SERINC5: variants seen among roughly 807,000 people sequenced by gnomAD.
The protein encoded by SERINC5 is serine incorporator 5, also known as chromosome 5 open reading frame 12.
SERINC5 carries 41 observed loss-of-function variants against 63.1 expected under a neutral mutation model. The ratio of observed to expected loss-of-function variants is 0.65; its 90% confidence interval spans 0.51 to 0.84. The LOEUF (loss-of-function observed/expected upper bound fraction) is 0.84. SERINC5 is among the 40% of genes least tolerant of loss of function. The pLI, the probability that SERINC5 is intolerant of heterozygous loss-of-function variation, is 0.00. For missense variants in SERINC5, 523 were observed against 573.0 expected (o/e 0.91, Z 0.89); for synonymous variants, 222 against 215.2 (o/e 1.03, Z -0.28).
At chr5:80,229,157 A>G (rs1257212546) in intron 1 of SERINC5, among the ~76,000 whole-genome samples, 4 of 148,956 alleles carry the variant, frequency 2.7e-5, no homozygotes, top group African/African-American at 9.8e-5. Context: ...CCCAGTAGCT[A>G]GGATTACAGG....
At chr5:80,207,052 G>A (rs1750207176) in intron 1 of SERINC5, among the ~76,000 whole-genome samples, 1 of 152,040 alleles carries the variant, frequency 6.6e-6, no homozygotes, top group Non-Finnish European at 1.5e-5. Flanking sequence ...AGGCTGGAGT[G>A]CAGTGGCACG....
Position 80,132,072 on chromosome 5 carries a change from G to A in SERINC5, c.1238+14018C>T, listed in dbSNP as rs116666836. Among the ~76,000 whole-genome samples the A allele has an allele frequency of 8.5e-3, 1,291 of 152,248 alleles. 20 individuals are homozygous for A. Among genetic ancestry groups the A allele is most frequent in the African/African-American group, 0.03 (1,232 of 41,518 alleles). ...CAGCCCCTAGCTTTCAAGCCAGCCAGTTGAAGCCGCGGACACCAGATAACA... is the reference window on the plus strand; with the variant it reads ...CAGCCCCTAGCTTTCAAGCCAGCCAATTGAAGCCGCGGACACCAGATAACA... On this transcript the variant is annotated intron_variant, in intron 11 of 12. Transcript: ENST00000509193.
At chr5:80,167,087 T>G (rs2112375911) in intron 6 of SERINC5, 1 of 152,508 alleles carries the variant, frequency 6.6e-6, no homozygotes, top group African/African-American at 2.4e-5. Flanking sequence ...TCATTTATTT[T>G]TAACTTTTAT....
intron 11 of SERINC5, among the ~76,000 whole-genome samples, chr5:80,133,422 A>G (rs888267433): frequency 6.6e-6 from 1 of 152,180 alleles, no homozygotes; most frequent in Non-Finnish European, 1.5e-5. Context: ...AGCAATGTGG[A>G]AGATGGTACA....
intron 8 of SERINC5, chr5:80,156,983 T>G (rs949788043): frequency 5.9e-5 from 8 of 135,108 alleles, no homozygotes; most frequent in Non-Finnish European, 9.1e-5. Flanking sequence ...ATTTAAAGGG[T>G]TTTTTTTTTC....
chr5:80,197,794 G>A (rs766281410), intron 2 of SERINC5, among the ~76,000 whole-genome samples: 1 of 152,176 alleles, frequency 6.6e-6, no homozygotes, highest in Non-Finnish European at 1.5e-5. Context: ...TGGGTTGGGA[G>A]GCTTTACTTT....
intron 2 of SERINC5, among the ~76,000 whole-genome samples, chr5:80,194,599 T>C (rs1749390768): frequency 6.6e-6 from 1 of 152,150 alleles, no homozygotes; most frequent in Admixed American, 6.5e-5. Flanking sequence ...ATAACAGTCA[T>C]CCCTTGAGCT....
intron 5 of SERINC5, 136 bp downstream of exon 5, chr5:80,174,818 T>C: frequency 1.8e-6 from 1 of 557,498 alleles, no homozygotes; most frequent in Non-Finnish European, 3.2e-6. Context: ...AGGAGAGGAG[T>C]AAATGAAGAG....
At chr5:80,224,657 C>T (rs946958075) in intron 1 of SERINC5, among the ~76,000 whole-genome samples, 2 of 151,984 alleles carry the variant, frequency 1.3e-5, no homozygotes, top group African/African-American at 4.8e-5. Context: ...ACGGAATTTC[C>T]CTCTTGTTGC....
At position 80,253,470 on chromosome 5, in the gene SERINC5, T is replaced by G. The variant is rs571598443; in HGVS notation, c.27+2426A>C. Among the ~76,000 whole-genome samples the G allele has an allele frequency of 6.6e-5, 10 of 152,274 alleles. No homozygotes were observed. The East Asian group carries it at 1.9e-3, about 29-fold the overall frequency. On this transcript the variant is annotated intron_variant, in intron 1 of 11. Transcript: ENST00000507668. ...CAGTCTTCACGACATCCCAATTATC[T>G]TCTAAGTGCAAATCAAACCACAGCT... is the stretch of plus-strand genomic sequence containing the variant.
intron 11 of SERINC5, among the ~76,000 whole-genome samples, chr5:80,113,810 C>T (rs553003964): frequency 1.3e-5 from 2 of 152,088 alleles, no homozygotes; most frequent in East Asian, 3.9e-4. Flanking sequence ...AGATACAATT[C>T]AAGTTGAGAT....
chr5:80,143,227 C>G lies in SERINC5; in HGVS notation c.*436G>C, dbSNP rs751735863. 1 of 990,546 alleles carries G rather than the reference C, an allele frequency of 1.0e-6. No homozygotes were observed. Among genetic ancestry groups the G allele is most frequent in the South Asian group, 4.6e-5 (1 of 21,728 alleles). The allele number at this position is 990,546 out of a possible 1,614,324, so 61.4% of individuals were successfully genotyped here. On this transcript the variant is annotated 3_prime_UTR_variant, in exon 12 of 12. Transcript: ENST00000507668. ...CCCCTGGGGACAAGGCTCTAAGAGG[C>G]GGAAGTGAGTGAGAGGGGTCTGGAT...
rs553748202 is a variant in SERINC5 at position 80,139,067 on chromosome 5, C to G, written c.*4596G>C. On this transcript the variant is annotated 3_prime_UTR_variant, in exon 12 of 12. Coordinates refer to ENST00000507668, the MANE Select transcript of SERINC5 (RefSeq NM_001174072.3). ...AAAGTTACCAAAATTCGAATCATAT[C>G]AGAGACCATTATAAATTTCAAACAG... 1.0e-6 allele frequency: 1 copy of G among 983,598 alleles called. No individual in the cohort carries two copies. Among genetic ancestry groups the G allele is most frequent in the Admixed American group, 6.2e-5 (1 of 16,250 alleles). The allele number at this position is 983,598 out of a possible 1,614,324, so 60.9% of individuals were successfully genotyped here.
chr5:80,176,386 T>A (rs896883460), intron 4 of SERINC5, among the ~76,000 whole-genome samples: 3 of 152,198 alleles, frequency 2.0e-5, no homozygotes, highest in African/African-American at 7.2e-5. Context: ...CATAACTATA[T>A]GAAGGATTAT....
At position 80,141,691 on chromosome 5, in the gene SERINC5, C is replaced by A; in HGVS notation, c.*1972G>T. The A allele has an allele frequency of 1.0e-6, 1 of 985,614 alleles. No homozygotes were observed. 61.1% of individuals were successfully genotyped at this position (985,614 alleles called of 1,614,324 possible). On this transcript the variant is annotated 3_prime_UTR_variant, in exon 12 of 12. Transcript: ENST00000507668. ...CCCCACTCCCTGAGCCCATTCCTGG[C>A]CCACGGAACTCCTGTCCCCTAACTG...
intron 1 of SERINC5, among the ~76,000 whole-genome samples, chr5:80,208,371 T>TAAAAAAAAA (rs5869025): frequency 7.2e-6 from 1 of 138,934 alleles, no homozygotes. Flanking sequence ...AAAACTGCTC[T>TAAAAAAAAA]AAAAAAAAAA....
At chr5:80,212,435 G>T (rs1750476140) in intron 1 of SERINC5, among the ~76,000 whole-genome samples, 1 of 152,160 alleles carries the variant, frequency 6.6e-6, no homozygotes, top group South Asian at 2.1e-4. Flanking sequence ...CCCATGCCGT[G>T]TGAGGGCCTC....
chr5:80,155,434 G>A (rs57142152), intron 8 of SERINC5, among the ~76,000 whole-genome samples: 7,242 of 152,176 alleles, frequency 0.048, 602 homozygotes, highest in African/African-American at 0.17. Flanking sequence ...GCATGGTGGC[G>A]TGGTGGCACG....
chr5:80,162,462 C>A (rs1056089660), intron 7 of SERINC5, among the ~76,000 whole-genome samples: 1 of 152,184 alleles, frequency 6.6e-6, no homozygotes, highest in Non-Finnish European at 1.5e-5. Context: ...TAACCTCAAG[C>A]TCCTGGGCTC....
Sources: allele counts gnomAD v4.1 joint callset (sites outside exome capture counted in the v4.1 genomes callset), GRCh38; gene constraint gnomAD v4.1.1; transcripts MANE v1.5; gene names NCBI Gene and HGNC (gene_info 2026-07-23, HGNC 2026-07-21).